Variants in STEEP1 observed in about 807,000 individuals in gnomAD.
The protein encoded by STEEP1 is STING ER exit protein.
STEEP1 carries 3 observed loss-of-function variants against 19.2 expected under a neutral mutation model. That is an observed-to-expected ratio of 0.16 (90% CI 0.07 to 0.40). The LOEUF (loss-of-function observed/expected upper bound fraction) is 0.40. STEEP1 is among the 10% of genes least tolerant of loss of function. The pLI is 0.99. For missense variants in STEEP1, 54 were observed against 177.1 expected (o/e 0.30, Z 3.94); for synonymous variants, 46 against 63.7 (o/e 0.72, Z 1.32).
At chrX:119,542,997 C>CAAAAAAAAAAAAA (rs60574433) in intron 4 of STEEP1, among the ~76,000 whole-genome samples, 1 of 47,929 alleles carries the variant, frequency 2.1e-5, no homozygotes, top group Non-Finnish European at 3.6e-5. Context: ...CTGGGTCTCG[C>CAAAAAAAAAAAAA]AAAAAAAAAA....
intron 2 of STEEP1, among the ~76,000 whole-genome samples, chrX:119,548,205 T>C: frequency 9.2e-6 from 1 of 108,989 alleles, no homozygotes. Context: ...AAAACCATAA[T>C]GAGATATCCT....
chrX:119,565,111 GAGAGAAAACCCACCAATCTTCGTTGAGA>G, intron 1 of STEEP1, 93 bp downstream of exon 1: 1 of 1,067,242 alleles, frequency 9.4e-7, no homozygotes, highest in Admixed American at 3.1e-5. Flanking sequence ...TTTAGTCGGA[GAGAGAAAACCCACCAATCTTCGTTGAGA>G]AGTGGCTCCC....
chrX:119,560,532 A>C, intron 1 of STEEP1, 147 bp from the exon 2 acceptor site: 1 of 448,832 alleles, frequency 2.2e-6, no homozygotes, highest in Non-Finnish European at 3.9e-6. Context: ...CCTATTATTG[A>C]ATGTTCCAAC....
In STEEP1 at chrX:119,544,240, GAAAT is replaced by G. The variant is rs1387443820; in HGVS notation, c.423+109_423+112del. ...TAAGAAAAAGACAAAAAAAGAAAAAGAAATAAAAAGAATACATCCATAAAGAGCA... is the reference window on the plus strand; with the variant it reads ...TAAGAAAAAGACAAAAAAAGAAAAAGAAAAAGAATACATCCATAAAGAGCA... On this transcript the variant is annotated intron_variant, in intron 4 of 6. Transcript: ENST00000644802. 3 of 530,384 alleles carry G rather than the reference GAAAT, an allele frequency of 5.7e-6. No homozygotes were observed. In the African/African-American group the frequency reaches 7.0e-5, roughly 12 times the overall value. 43.7% of individuals were successfully genotyped at this position (530,384 alleles called of 1,213,427 possible). A position where few individuals can be genotyped will look rare whatever the true frequency, so the allele number is the denominator to read the frequency against.
chrX:119,559,018 AC>A (rs1335267565), intron 2 of STEEP1, among the ~76,000 whole-genome samples: 1 of 110,434 alleles, frequency 9.1e-6, no homozygotes, highest in East Asian at 2.8e-4. Context: ...GAAGTTCGAG[AC>A]CAGCCTGGCC....
In STEEP1 at chrX:119,539,643, G is replaced by A; in HGVS notation, c.*84C>T. The A allele has an allele frequency of 1.4e-6, 1 of 727,868 alleles. No homozygotes were observed. Among genetic ancestry groups the A allele is most frequent in the Non-Finnish European group, 2.1e-6 (1 of 475,776 alleles). 60.0% of individuals were successfully genotyped at this position (727,868 alleles called of 1,213,427 possible). A position where few individuals can be genotyped will look rare whatever the true frequency, so the allele number is the denominator to read the frequency against. On this transcript the variant is annotated 3_prime_UTR_variant, in exon 7 of 7. Transcript: ENST00000644802. Reference sequence around the variant, plus strand: ...AAAGCCTTCTGCTAGGGCATAAATAGGAATCCGTCTATGTAATCAAGAAAT... The same window carrying A: ...AAAGCCTTCTGCTAGGGCATAAATAAGAATCCGTCTATGTAATCAAGAAAT...
At chrX:119,555,866 G>A (rs2147355982) in intron 2 of STEEP1, among the ~76,000 whole-genome samples, 1 of 111,587 alleles carries the variant, frequency 9.0e-6, no homozygotes, top group East Asian at 2.8e-4. Context: ...TTCTGGCTGG[G>A]GCCACTGCAT....
At chrX:119,562,534 A>G (rs1341643995) in intron 1 of STEEP1, among the ~76,000 whole-genome samples, 1 of 74,204 alleles carries the variant, frequency 1.3e-5, no homozygotes, top group African/African-American at 1.0e-4. Context: ...ACTCCGTCTC[A>G]AAAAAAAAAA....
rs1328994738 is a variant in STEEP1, at chrX:119,559,656, T to G, written c.242+612A>C. Reference sequence around the variant, plus strand: ...ACCTTATTCATCTTCACAGATCCAGTACCTAGCTCAGTGCCTGGCACACGG... The same window carrying G: ...ACCTTATTCATCTTCACAGATCCAGGACCTAGCTCAGTGCCTGGCACACGG... On this transcript the variant is annotated intron_variant, in intron 2 of 6. Transcript: ENST00000644802. Among the ~76,000 whole-genome samples, 13 of 111,937 alleles carry G rather than the reference T, an allele frequency of 1.2e-4. No individual in the cohort carries two copies. The Admixed American group carries it at 1.2e-3, about 11-fold the overall frequency.
At chrX:119,556,658 A>G (rs2053280819) in intron 2 of STEEP1, among the ~76,000 whole-genome samples, 2 of 110,592 alleles carry the variant, frequency 1.8e-5, no homozygotes, top group South Asian at 7.6e-4. Context: ...TAGAGAAATG[A>G]TAAGTTTGGC....
At chrX:119,562,722 G>A (rs2053329308) in intron 1 of STEEP1, among the ~76,000 whole-genome samples, 1 of 108,699 alleles carries the variant, frequency 9.2e-6, no homozygotes, top group Non-Finnish European at 1.9e-5. Flanking sequence ...CCCTGATGAA[G>A]CTTACATTCT....
At chrX:119,557,901 G>A (rs954355112) in intron 2 of STEEP1, among the ~76,000 whole-genome samples, 1 of 110,736 alleles carries the variant, frequency 9.0e-6, no homozygotes, top group African/African-American at 3.3e-5. Flanking sequence ...CCAATTTGTA[G>A]TACTTTATTT....
In STEEP1 at chrX:119,539,725, G is replaced by C; in HGVS notation, c.*2C>G. 8.3e-7 allele frequency: 1 copy of C among 1,203,656 alleles called. No individual in the cohort carries two copies. The highest frequency in any genetic ancestry group is 1.1e-6 in the Non-Finnish European group (1 of 889,298). On this transcript the variant is annotated 3_prime_UTR_variant, in exon 7 of 7. Coordinates refer to ENST00000644802, the MANE Select transcript of STEEP1 (RefSeq NM_022101.4). ...TAGTCTAGGGCTTAGAAAAAGGCCT[G>C]GTTATTTGAACTGGTTGTCAATCAA... is the stretch of plus-strand genomic sequence containing the variant.
At chrX:119,558,699 C>T (rs1333066258) in intron 2 of STEEP1, among the ~76,000 whole-genome samples, 5 of 110,880 alleles carry the variant, frequency 4.5e-5, no homozygotes, top group African/African-American at 9.8e-5. Flanking sequence ...TGCTGCTGAC[C>T]GTCCCCTAGC....
In STEEP1 at chrX:119,543,085, C is replaced by T. The variant is rs1001347473; in HGVS notation, c.424-491G>A. On this transcript the variant is annotated intron_variant, in intron 4 of 6. Coordinates refer to ENST00000644802, the MANE Select transcript of STEEP1 (RefSeq NM_022101.4). ...CTTAATGTCTCAGGCTTGTATCCAACTCCTGGCCTCAGGCAATCCTCCTGC... is the reference window on the plus strand; with the variant it reads ...CTTAATGTCTCAGGCTTGTATCCAATTCCTGGCCTCAGGCAATCCTCCTGC... 6.4e-5 allele frequency among the ~76,000 whole-genome samples: 7 copies of T among 108,867 alleles called. No homozygotes were observed. The Admixed American group carries it at 6.9e-4, about 11-fold the overall frequency. The allele number at this position is 108,867 out of a possible 115,157, so 94.5% of individuals were successfully genotyped here.
rs1039107721 is a variant in STEEP1, at chrX:119,551,566, G to A, written c.243-6062C>T. Among the ~76,000 whole-genome samples the A allele has an allele frequency of 2.7e-5, 3 of 111,054 alleles. No homozygotes were observed. The East Asian group carries it at 8.4e-4, about 31-fold the overall frequency. On this transcript the variant is annotated intron_variant, in intron 2 of 6. Coordinates refer to ENST00000644802, the MANE Select transcript of STEEP1 (RefSeq NM_022101.4). ...CTCCAACTTAACTGGCCAGGGCAGA[G>A]ATGAGGGAGGAACGAGGAAGCGGGC... is the stretch of plus-strand genomic sequence containing the variant.
intron 2 of STEEP1, among the ~76,000 whole-genome samples, chrX:119,545,723 G>A (rs1474264333): frequency 3.6e-5 from 4 of 110,635 alleles, no homozygotes; most frequent in Admixed American, 9.6e-5. Context: ...GGGAAACCCC[G>A]TCTCTACTAA....
In STEEP1 at chrX:119,548,827, G is replaced by A. The variant is rs77619231; in HGVS notation, c.243-3323C>T. Among the ~76,000 whole-genome samples, 657 of 111,713 alleles carry A rather than the reference G, an allele frequency of 5.9e-3. 5 individuals carry two copies. The highest frequency in any genetic ancestry group is 0.02 in the African/African-American group (629 of 30,747). ...GGAAGCAACCTAAATGTCTATCAAT[G>A]GCTAAATGGATAAAGAAAAGGTGGC... is the stretch of plus-strand genomic sequence containing the variant. On this transcript the variant is annotated intron_variant, in intron 2 of 6. Coordinates refer to ENST00000644802, the MANE Select transcript of STEEP1 (RefSeq NM_022101.4).
At chrX:119,564,504 G>GC (rs1280591680) in intron 1 of STEEP1, among the ~76,000 whole-genome samples, 4 of 14,374 alleles carry the variant, frequency 2.8e-4, no homozygotes, top group Middle Eastern at 0.021. Context: ...TGAAAAAAAA[G>GC]GGGGGGGGGA....
Sources: gnomAD v4.1 joint callset for allele counts (sites outside exome capture counted in the v4.1 genomes callset) on GRCh38, gnomAD v4.1.1 for gene constraint, MANE v1.5 for transcripts, NCBI Gene and HGNC (gene_info 2026-07-23, HGNC 2026-07-21) for gene names.